Variants in RTF1 observed in about 807,000 individuals in gnomAD.
The protein encoded by RTF1 is RNA polymerase-associated protein RTF1 homolog.
A neutral mutation model predicts 95.7 loss-of-function variants in RTF1; 10 were observed. The observed-to-expected ratio is 0.10, with a 90% CI of 0.06 to 0.18. The LOEUF is 0.18. Ranked by LOEUF, RTF1 falls within the 10% of genes least tolerant of loss-of-function variation. The pLI is 1.00. For missense variants in RTF1, 458 were observed against 875.6 expected, an observed-to-expected ratio of 0.52 and a Z score of 6.02; for synonymous variants, 305 against 311.8, an observed-to-expected ratio of 0.98 and a Z score of 0.23.
chr15:41,438,532 C>A, intron 2 of RTF1, 101 bp downstream of exon 2: 2 of 679,098 alleles, frequency 2.9e-6, no homozygotes, highest in Non-Finnish European at 4.8e-6. Context: ...AGACTTACAG[C>A]CTAAGATCTA....
intron 4 of RTF1, among the ~76,000 whole-genome samples, chr15:41,458,236 G>A (rs1304848802): frequency 6.6e-6 from 1 of 152,168 alleles, no homozygotes; most frequent in East Asian, 1.9e-4. Flanking sequence ...TGAAGGGAGA[G>A]ACTTTGTCCT....
intron 4 of RTF1, 29 bp downstream of exon 4, chr15:41,457,905 C>T (rs201885004): frequency 8.9e-6 from 14 of 1,564,556 alleles, no homozygotes; most frequent in East Asian, 2.3e-5. Flanking sequence ...TTGTCCCCCC[C>T]CCGCCCCCAC....
intron 2 of RTF1, among the ~76,000 whole-genome samples, chr15:41,447,562 T>C (rs144055932): frequency 5.3e-5 from 8 of 152,308 alleles, no homozygotes; most frequent in East Asian, 1.9e-4. Flanking sequence ...AGAAAACATA[T>C]TCCATCCAGT....
intron 8 of RTF1, among the ~76,000 whole-genome samples, chr15:41,472,796 G>T (rs538994835): frequency 1.3e-5 from 2 of 151,852 alleles, no homozygotes; most frequent in Non-Finnish European, 2.9e-5. Context: ...CTGGCTCCCA[G>T]GTTCACGCCA....
At chr15:41,418,597 G>A (rs1311967748) in intron 1 of RTF1, among the ~76,000 whole-genome samples, 1 of 152,028 alleles carries the variant, frequency 6.6e-6, no homozygotes, top group Non-Finnish European at 1.5e-5. Context: ...GCTCATCTGA[G>A]GTCGGGAGTT....
chr15:41,425,960 A>G (rs1407106759), intron 1 of RTF1, among the ~76,000 whole-genome samples: 1 of 152,104 alleles, frequency 6.6e-6, no homozygotes, highest in African/African-American at 2.4e-5. Context: ...TGAGATGTCT[A>G]AGTGGAGACA....
At position 41,417,159 on chromosome 15, in the gene RTF1, C is replaced by T. The variant is rs2050574567; in HGVS notation, c.44C>T (p.Ala15Val). The change falls in exon 1 of 18, where the codon GCG (alanine) becomes GTG (valine). Residue 15 changes from alanine (A) to valine (V), a missense_variant. By Grantham distance (64) the Ala-to-Val change is moderately conservative (BLOSUM62 0). This residue lies in a region of RTF1 where 81 missense variants were observed against 59.9 expected (regional missense o/e 1.35). Coordinates refer to ENST00000389629, the MANE Select transcript of RTF1 (RefSeq NM_015138.5). ...GTGGGTCGAGCAGCGGCGGCGGCGG[C>T]GGCAGTGGCGGTCCCACTGGCAGGC... ...LCVGRAAAAA[A>V]AVAVPLAGGQ... The T allele has an allele frequency of 3.1e-5, 39 of 1,260,410 alleles. No individual in the cohort carries two copies. The highest frequency in any genetic ancestry group is 3.7e-5 in the Non-Finnish European group (37 of 998,582). 78.1% of individuals were successfully genotyped at this position (1,260,410 alleles called of 1,614,324 possible). A position where few individuals can be genotyped will look rare whatever the true frequency, so the allele number is the denominator to read the frequency against.
chr15:41,429,145 A>G (rs2050655251), intron 1 of RTF1, among the ~76,000 whole-genome samples: 1 of 152,002 alleles, frequency 6.6e-6, no homozygotes, highest in Admixed American at 6.6e-5. Context: ...TTGGCCTCCC[A>G]AAGTACTGGG....
intron 1 of RTF1, among the ~76,000 whole-genome samples, chr15:41,421,831 C>T (rs958910556): frequency 1.5e-4 from 23 of 151,572 alleles, no homozygotes; most frequent in African/African-American, 5.3e-4. Flanking sequence ...CCCCCTCAGC[C>T]TCTCAAGTAG....
rs1383274866 is a variant in RTF1 at position 41,481,096 on chromosome 15, C to T, written c.*409C>T. Reference sequence around the variant, plus strand: ...CTCCTCTACAGACTGCCTTGGCCCACCCATTGAACATTCGGCACGTGACCT... The same window carrying T: ...CTCCTCTACAGACTGCCTTGGCCCATCCATTGAACATTCGGCACGTGACCT... On this transcript the variant is annotated 3_prime_UTR_variant, in exon 18 of 18. Coordinates refer to ENST00000389629, the MANE Select transcript of RTF1 (RefSeq NM_015138.5). 1.9e-5 allele frequency: 3 copies of T among 161,606 alleles called. No individual in the cohort carries two copies. The highest frequency in any genetic ancestry group is 1.8e-4 in the Admixed American group (3 of 16,530). The allele number at this position is 161,606 out of a possible 1,614,324, so 10.0% of individuals were successfully genotyped here. A position where few individuals can be genotyped will look rare whatever the true frequency, so the allele number is the denominator to read the frequency against.
intron 1 of RTF1, among the ~76,000 whole-genome samples, chr15:41,434,919 G>A (rs574446086): frequency 2.8e-4 from 42 of 151,238 alleles, no homozygotes; most frequent in African/African-American, 8.7e-4. Flanking sequence ...GAGCCACCGC[G>A]CCTGGCCAGC....
chr15:41,462,563 CTTTG>C (rs377135267), intron 4 of RTF1, among the ~76,000 whole-genome samples: 2 of 152,084 alleles, frequency 1.3e-5, no homozygotes, highest in African/African-American at 4.8e-5. Flanking sequence ...TAAAAAATAA[CTTTG>C]TTTAAAATAA....
intron 1 of RTF1, among the ~76,000 whole-genome samples, chr15:41,423,183 GT>G (rs2050611309): frequency 6.6e-6 from 1 of 152,126 alleles, no homozygotes; most frequent in Non-Finnish European, 1.5e-5. Context: ...AAATTTAAAA[GT>G]TGTGCTTCTT....
At chr15:41,449,041 C>T (rs957793974) in intron 2 of RTF1, among the ~76,000 whole-genome samples, 1 of 151,556 alleles carries the variant, frequency 6.6e-6, no homozygotes, top group Non-Finnish European at 1.5e-5. Context: ...TTCGCCATCA[C>T]GCCCAGCTAA....
At chr15:41,462,289 C>G (rs934771897) in intron 4 of RTF1, among the ~76,000 whole-genome samples, 2 of 152,096 alleles carry the variant, frequency 1.3e-5, no homozygotes, top group Admixed American at 1.3e-4. Flanking sequence ...ATCCTGTTCT[C>G]TAGCCAGCAG....
In RTF1 at chr15:41,444,590, G is replaced by A. The variant is rs543379836; in HGVS notation, c.309+6159G>A. On this transcript the variant is annotated intron_variant, in intron 2 of 17. Coordinates refer to ENST00000389629, the MANE Select transcript of RTF1 (RefSeq NM_015138.5). The stretch of plus-strand genomic sequence containing the variant: ...GATTACAGGCGTGACCATCGCGGCC[G>A]GCCCGTTAGATATTATATGTAGTAG... 3.9e-5 allele frequency among the ~76,000 whole-genome samples: 6 copies of A among 152,124 alleles called. No individual in the cohort carries two copies. In the South Asian group the frequency reaches 1.2e-3, roughly 32 times the overall value.
intron 1 of RTF1, among the ~76,000 whole-genome samples, chr15:41,425,979 G>T (rs1213366262): frequency 3.3e-5 from 5 of 152,104 alleles, no homozygotes; most frequent in African/African-American, 1.2e-4. Context: ...CATCAAGTAG[G>T]TAGTTGAAAA....
Position 41,464,933 on chromosome 15 carries a change from AGTGTGTGTGT to A in RTF1, c.777+73_777+82del, listed in dbSNP as rs67065750. 1.0e-4 allele frequency: 131 copies of A among 1,304,622 alleles called. 1 individual carries two copies. Among genetic ancestry groups the A allele is most frequent in the Admixed American group, 3.8e-4 (11 of 29,158 alleles). 80.8% of individuals were successfully genotyped at this position (1,304,622 alleles called of 1,614,324 possible). ...TTGTCCAAAGAATAAACCTGTTTTG[AGTGTGTGTGT>A]GTGTGTGTGTGTGTGTGTGTGTGTA... On this transcript the variant is annotated intron_variant, in intron 5 of 17. Transcript: ENST00000389629.
intron 2 of RTF1, among the ~76,000 whole-genome samples, chr15:41,449,131 G>T (rs2140956679): frequency 6.6e-6 from 1 of 151,946 alleles, no homozygotes; most frequent in South Asian, 2.1e-4. Context: ...CAATCAGCCT[G>T]CCTCGGCCTC....
Sources: gnomAD v4.1 joint callset for allele counts (sites outside exome capture counted in the v4.1 genomes callset) on GRCh38, gnomAD v4.1.1 for gene constraint, gnomAD v4.1.1 regional missense constraint, MANE v1.5 for transcripts, NCBI Gene and HGNC (gene_info 2026-07-23, HGNC 2026-07-21) for gene names.